The following TNIK variants were observed in gnomAD, a reference collection of about 807,000 sequenced individuals.
TNIK encodes TRAF2 and NCK interacting kinase.
Under a neutral mutation model 191.3 loss-of-function variants are expected in TNIK, and 49 were observed. That is an observed-to-expected ratio of 0.26 (90% confidence interval 0.20 to 0.32). TNIK has a LOEUF of 0.32. Among genes scored for constraint, TNIK ranks in the 10% least tolerant of loss-of-function variants. The probability of loss-of-function intolerance (pLI) is 1.00; values close to 1 mark genes in which losing one functional copy is unlikely to be tolerated. For synonymous variants in TNIK, 594 were observed against 600.9 expected, an observed-to-expected ratio of 0.99 and a Z score of 0.17; for missense variants, 1,155 against 1,702.3, an observed-to-expected ratio of 0.68 and a Z score of 5.66.
At chr3:171,317,202 G>T (rs1754730045) in intron 2 of TNIK, among the ~76,000 whole-genome samples, 1 of 151,920 alleles carries the variant, frequency 6.6e-6, no homozygotes, top group Non-Finnish European at 1.5e-5. Context: ...AGTTGTTCCG[G>T]GTCAGGCCAG....
At chr3:171,153,867 A>G (rs1732798824) in intron 12 of TNIK, among the ~76,000 whole-genome samples, 1 of 150,982 alleles carries the variant, frequency 6.6e-6, no homozygotes, top group Non-Finnish European at 1.5e-5. Flanking sequence ...TTAGCATGCC[A>G]CTCTCCTCCA....
chr3:171,417,321 G>C (rs1037780563), intron 1 of TNIK, among the ~76,000 whole-genome samples: 2 of 152,104 alleles, frequency 1.3e-5, no homozygotes, highest in African/African-American at 4.8e-5. Flanking sequence ...CATTTAGTAA[G>C]CTGTTTTGAA....
intron 2 of TNIK, among the ~76,000 whole-genome samples, chr3:171,305,564 G>C (rs986867355): frequency 4.6e-5 from 7 of 152,082 alleles, no homozygotes; most frequent in Non-Finnish European, 8.8e-5. Context: ...GACATGAAAA[G>C]ACACTTTTCA....
chr3:171,441,528 C>G (rs1403712033), intron 1 of TNIK, among the ~76,000 whole-genome samples: 1 of 152,158 alleles, frequency 6.6e-6, no homozygotes, highest in Non-Finnish European at 1.5e-5. Flanking sequence ...TGTATGAAAA[C>G]ACTACACTTT....
intron 16 of TNIK, among the ~76,000 whole-genome samples, chr3:171,127,118 T>C (rs1342250154): frequency 3.3e-5 from 5 of 151,438 alleles, no homozygotes; most frequent in Non-Finnish European, 7.3e-5. Flanking sequence ...CCATAAATCC[T>C]GGTTGGGGAA....
At chr3:171,395,226 C>T (rs1720068806) in intron 1 of TNIK, among the ~76,000 whole-genome samples, 1 of 152,174 alleles carries the variant, frequency 6.6e-6, no homozygotes, top group Admixed American at 6.5e-5. Flanking sequence ...AGTAGACAGA[C>T]ACGGGGTGAA....
chr3:171,072,322 C>T (rs956996243), intron 28 of TNIK, among the ~76,000 whole-genome samples: 2 of 152,102 alleles, frequency 1.3e-5, no homozygotes, highest in South Asian at 4.1e-4. Context: ...TTTCCAGTTA[C>T]TTGCTTTATA....
At chr3:171,327,930 A>AAAAAAAAAAAAAAC (rs1755981980) in intron 2 of TNIK, among the ~76,000 whole-genome samples, 1 of 132,208 alleles carries the variant, frequency 7.6e-6, no homozygotes, top group Non-Finnish European at 1.6e-5. Context: ...AAAAAAAAAA[A>AAAAAAAAAAAAAAC]ATCACTTGTT....
intron 12 of TNIK, among the ~76,000 whole-genome samples, chr3:171,151,408 A>G (rs546859682): frequency 2.0e-4 from 30 of 152,242 alleles, no homozygotes; most frequent in Non-Finnish European, 4.1e-4. Flanking sequence ...AAAGGAGTTC[A>G]AACTTTGGAA....
At chr3:171,207,275 C>T (rs1740210351) in intron 4 of TNIK, among the ~76,000 whole-genome samples, 1 of 152,082 alleles carries the variant, frequency 6.6e-6, no homozygotes, top group South Asian at 2.1e-4. Context: ...CATGGCTGTA[C>T]CAATTTACAT....
intron 12 of TNIK, among the ~76,000 whole-genome samples, chr3:171,155,413 G>A (rs1241657711): frequency 6.6e-6 from 1 of 152,254 alleles, no homozygotes; most frequent in Non-Finnish European, 1.5e-5. Flanking sequence ...GATCAAAAGA[G>A]AAAGCTGGAA....
intron 24 of TNIK, among the ~76,000 whole-genome samples, chr3:171,086,122 A>C (rs1029353358): frequency 1.3e-5 from 2 of 152,182 alleles, no homozygotes; most frequent in South Asian, 4.1e-4. Flanking sequence ...TTTTTGGATA[A>C]ATATCTTTAA....
intron 11 of TNIK, among the ~76,000 whole-genome samples, chr3:171,160,271 T>C (rs946141068): frequency 6.6e-6 from 1 of 152,202 alleles, no homozygotes; most frequent in African/African-American, 2.4e-5. Flanking sequence ...CAGTTCCATC[T>C]TCTTATAGAA....
At chr3:171,410,174 G>A (rs1036354484) in intron 1 of TNIK, among the ~76,000 whole-genome samples, 5 of 152,172 alleles carry the variant, frequency 3.3e-5, no homozygotes, top group African/African-American at 9.7e-5. Flanking sequence ...ACAATTCTCA[G>A]TACTCAAAAG....
At chr3:171,102,611 T>G (rs745751285) in intron 21 of TNIK, among the ~76,000 whole-genome samples, 1 of 152,208 alleles carries the variant, frequency 6.6e-6, no homozygotes, top group Non-Finnish European at 1.5e-5. Flanking sequence ...AAAAAGCAAT[T>G]TGACATCAGT....
intron 1 of TNIK, among the ~76,000 whole-genome samples, chr3:171,390,833 C>T (rs985454749): frequency 1.3e-5 from 2 of 152,170 alleles, no homozygotes; most frequent in Admixed American, 6.6e-5. Context: ...CAGTTCTTAA[C>T]CTGTGCCCAT....
At chr3:171,164,320 C>G (rs1184564204) in intron 10 of TNIK, among the ~76,000 whole-genome samples, 2 of 152,066 alleles carry the variant, frequency 1.3e-5, no homozygotes, top group African/African-American at 2.4e-5. Flanking sequence ...TATTTATGCC[C>G]CAGAGGGAGA....
intron 2 of TNIK, among the ~76,000 whole-genome samples, chr3:171,242,935 A>C (rs1745157490): frequency 6.6e-6 from 1 of 152,220 alleles, no homozygotes; most frequent in Admixed American, 6.5e-5. Flanking sequence ...ACATTTTAGG[A>C]AACAAATTCA....
chr3:171,239,814 T>C (rs1744729511), intron 2 of TNIK, among the ~76,000 whole-genome samples: 1 of 152,090 alleles, frequency 6.6e-6, no homozygotes. Context: ...AACACATCCA[T>C]CCCTGGGAAG....
Sources: allele counts gnomAD v4.1 joint callset (sites outside exome capture counted in the v4.1 genomes callset), GRCh38; gene constraint gnomAD v4.1.1; transcripts MANE v1.5; gene names NCBI Gene and HGNC (gene_info 2026-07-23, HGNC 2026-07-21).